The following SGCZ variants were observed in gnomAD, a reference collection of about 807,000 sequenced individuals.
SGCZ encodes sarcoglycan zeta.
SGCZ carries 40 observed loss-of-function variants against 41.3 expected under a neutral mutation model. The observed-to-expected ratio is 0.97, with a 90% confidence interval of 0.75 to 1.26. The LOEUF (loss-of-function observed/expected upper bound fraction) is 1.26, where lower values mean the gene tolerates loss of function less well. SGCZ is among the 50% of genes most tolerant of loss of function. The probability of loss-of-function intolerance (pLI) is 0.00; values close to 1 mark genes in which losing one functional copy is unlikely to be tolerated. For synonymous variants in SGCZ, 206 were observed against 137.5 expected (o/e 1.50, Z -3.49); for missense variants, 552 against 369.8 (o/e 1.49, Z -4.04).
chr8:14,640,834 C>A (rs1368373650), intron 1 of SGCZ, among the ~76,000 whole-genome samples: 1 of 151,656 alleles, frequency 6.6e-6, no homozygotes, highest in Non-Finnish European at 1.5e-5. Context: ...GGAGCCCCTG[C>A]AAGTTCTGAA....
chr8:15,009,578 G>A (rs1472245970), intron 1 of SGCZ, among the ~76,000 whole-genome samples: 1 of 152,306 alleles, frequency 6.6e-6, no homozygotes, highest in East Asian at 1.9e-4. Context: ...CATATAACAA[G>A]TGAGTGAAAA....
intron 1 of SGCZ, among the ~76,000 whole-genome samples, chr8:14,952,887 C>G (rs544954126): frequency 6.6e-6 from 1 of 152,172 alleles, no homozygotes; most frequent in East Asian, 1.9e-4. Context: ...TGCTGGAAAC[C>G]ATTCTGGAGA....
At chr8:14,637,725 A>G (rs1806881297) in intron 1 of SGCZ, among the ~76,000 whole-genome samples, 1 of 151,830 alleles carries the variant, frequency 6.6e-6, no homozygotes. Context: ...CCCACTGTCA[A>G]TGAGCACCAC....
At chr8:14,644,428 C>T (rs1032625941) in intron 1 of SGCZ, among the ~76,000 whole-genome samples, 1 of 151,828 alleles carries the variant, frequency 6.6e-6, no homozygotes, top group African/African-American at 2.4e-5. Context: ...TCAACTCTTA[C>T]CCAAGTTTCC....
intron 5 of SGCZ, among the ~76,000 whole-genome samples, chr8:14,132,568 T>A (rs1803074962): frequency 6.6e-6 from 1 of 152,222 alleles, no homozygotes; most frequent in African/African-American, 2.4e-5. Context: ...TATACATTAT[T>A]TACTTCATGT....
At position 14,886,967 on chromosome 8, in the gene SGCZ, G is replaced by T. The variant is rs568385243; in HGVS notation, c.40-332041C>A. Reference sequence around the variant, plus strand: ...ATGTATTATTAGATTACAGTGGGGGGTAAGAGAATCAAGAGGTCAACGATG... The same window carrying T: ...ATGTATTATTAGATTACAGTGGGGGTTAAGAGAATCAAGAGGTCAACGATG... On this transcript the variant is annotated intron_variant, in intron 1 of 7. Coordinates refer to ENST00000382080, the MANE Select transcript of SGCZ (RefSeq NM_139167.4). Among the ~76,000 whole-genome samples, 3 of 152,216 alleles carry T rather than the reference G, an allele frequency of 2.0e-5. No individual in the cohort carries two copies. The East Asian group carries it at 5.8e-4, about 29-fold the overall frequency.
chr8:14,861,121 G>T (rs1803733078), intron 1 of SGCZ, among the ~76,000 whole-genome samples: 1 of 152,146 alleles, frequency 6.6e-6, no homozygotes, highest in African/African-American at 2.4e-5. Context: ...TTACGTCTGT[G>T]ACTAAGACAC....
intron 3 of SGCZ, among the ~76,000 whole-genome samples, chr8:14,281,648 T>C (rs1237903385): frequency 4.6e-5 from 7 of 152,088 alleles, no homozygotes; most frequent in Non-Finnish European, 1.0e-4. Flanking sequence ...TCATGTCAAA[T>C]TCTCTTAATA....
At chr8:14,688,695 T>C (rs1808699556) in intron 1 of SGCZ, among the ~76,000 whole-genome samples, 1 of 152,144 alleles carries the variant, frequency 6.6e-6, no homozygotes, top group South Asian at 2.1e-4. Flanking sequence ...TTTGGTGCCA[T>C]ATGAACTTTA....
chr8:14,862,608 T>A (rs1470090232), intron 1 of SGCZ, among the ~76,000 whole-genome samples: 2 of 133,028 alleles, frequency 1.5e-5, no homozygotes, highest in Admixed American at 7.6e-5. Flanking sequence ...AACATACATT[T>A]TATATATATA....
At chr8:15,055,161 A>G (rs1804660361) in intron 1 of SGCZ, among the ~76,000 whole-genome samples, 1 of 152,010 alleles carries the variant, frequency 6.6e-6, no homozygotes, top group Non-Finnish European at 1.5e-5. Context: ...GCTAGGCCCA[A>G]TCTCTAACCA....
chr8:14,420,635 T>C (rs1298478962), intron 2 of SGCZ, among the ~76,000 whole-genome samples: 1 of 152,062 alleles, frequency 6.6e-6, no homozygotes, highest in Non-Finnish European at 1.5e-5. Flanking sequence ...TTGCACAGCA[T>C]AGATGCATTA....
intron 2 of SGCZ, among the ~76,000 whole-genome samples, chr8:14,495,376 A>G (rs917622229): frequency 4.6e-5 from 7 of 152,222 alleles, no homozygotes; most frequent in Non-Finnish European, 1.0e-4. Flanking sequence ...ATGCTTATTG[A>G]CATAACTGAT....
At chr8:15,153,659 TC>T in intron 1 of SGCZ, among the ~76,000 whole-genome samples, 1 of 151,928 alleles carries the variant, frequency 6.6e-6, no homozygotes, top group Non-Finnish European at 1.5e-5. Context: ...TATGGCACTT[TC>T]CCCCCACCCT....
chr8:14,248,710 A>G (rs1438128508), intron 3 of SGCZ, among the ~76,000 whole-genome samples: 2 of 151,416 alleles, frequency 1.3e-5, no homozygotes, highest in Non-Finnish European at 2.9e-5. Flanking sequence ...CCACAGATAT[A>G]TTTTCATTTA....
intron 1 of SGCZ, among the ~76,000 whole-genome samples, chr8:15,030,628 A>G (rs1803626633): frequency 6.6e-6 from 1 of 152,216 alleles, no homozygotes; most frequent in Non-Finnish European, 1.5e-5. Flanking sequence ...TTTGTTGAGT[A>G]TCTACTGCGC....
intron 3 of SGCZ, among the ~76,000 whole-genome samples, chr8:14,244,340 T>C (rs1038038715): frequency 1.3e-5 from 2 of 152,140 alleles, no homozygotes; most frequent in South Asian, 2.1e-4. Context: ...ACAAGTCATA[T>C]CAAATTATTA....
At chr8:14,707,532 G>T (rs373515411) in intron 1 of SGCZ, among the ~76,000 whole-genome samples, 2 of 151,974 alleles carry the variant, frequency 1.3e-5, no homozygotes, top group African/African-American at 2.4e-5. Context: ...TCAAATCTAC[G>T]TCTATAAAAG....
intron 1 of SGCZ, among the ~76,000 whole-genome samples, chr8:15,101,193 A>T (rs1806598314): frequency 6.6e-6 from 1 of 152,198 alleles, no homozygotes; most frequent in Non-Finnish European, 1.5e-5. Context: ...GAGATTGGGG[A>T]TAACTTTTGA....
Sources: allele counts gnomAD v4.1 joint callset (sites outside exome capture counted in the v4.1 genomes callset), GRCh38; gene constraint gnomAD v4.1.1; transcripts MANE v1.5; gene names NCBI Gene and HGNC (gene_info 2026-07-23, HGNC 2026-07-21).